The following ADAMTS12 variants were observed in gnomAD, a reference collection of about 807,000 sequenced individuals.
The protein encoded by ADAMTS12 is A disintegrin and metalloproteinase with thrombospondin motifs 12.
A neutral mutation model predicts 167.8 loss-of-function variants in ADAMTS12; 118 were observed. The ratio of observed to expected loss-of-function variants is 0.70; its 90% CI spans 0.61 to 0.82. ADAMTS12 has a LOEUF of 0.82. ADAMTS12 is among the 40% of genes least tolerant of loss of function. The pLI is 0.00. For synonymous variants in ADAMTS12, 704 were observed against 716.9 expected (o/e 0.98, Z 0.29); for missense variants, 1,916 against 1,998.8 (o/e 0.96, Z 0.79).
chr5:33,856,865 A>G (rs1297557995), intron 2 of ADAMTS12, among the ~76,000 whole-genome samples: 1 of 152,230 alleles, frequency 6.6e-6, no homozygotes, highest in Non-Finnish European at 1.5e-5. Flanking sequence ...ACTAAAAGTA[A>G]ATTACCATAT....
intron 2 of ADAMTS12, among the ~76,000 whole-genome samples, chr5:33,852,616 T>C (rs1047102913): frequency 2.0e-5 from 3 of 152,160 alleles, no homozygotes; most frequent in South Asian, 2.1e-4. Flanking sequence ...TATGAAGGAA[T>C]GTCTACATGG....
intron 5 of ADAMTS12, among the ~76,000 whole-genome samples, chr5:33,668,129 A>G (rs779585603): frequency 6.6e-6 from 1 of 152,332 alleles, no homozygotes; most frequent in Non-Finnish European, 1.5e-5. Flanking sequence ...CGAAAATGCA[A>G]TGAATACACC....
rs746912265 is a variant in ADAMTS12 at position 33,546,224 on chromosome 5, A to T, written c.4303-22T>A. On this transcript the variant is annotated intron_variant, in intron 21 of 23. Coordinates refer to ENST00000504830, the MANE Select transcript of ADAMTS12 (RefSeq NM_030955.4). ...AGCACTGATACACAGCAGTGACAAG[A>T]TTAGGTAAAAGTCAGGTGGAGACAT... The T allele has an allele frequency of 3.0e-5, 48 of 1,594,010 alleles. No individual in the cohort carries two copies. The South Asian group carries it at 5.0e-4, about 17-fold the overall frequency.
At chr5:33,661,895 T>C in intron 6 of ADAMTS12, 21 bp downstream of exon 6, 2 of 1,612,628 alleles carry the variant, frequency 1.2e-6, no homozygotes, top group Non-Finnish European at 1.7e-6. Context: ...GCCCCTGGGT[T>C]TCATGTAGTC....
chr5:33,815,223 G>A (rs905245160), intron 2 of ADAMTS12, among the ~76,000 whole-genome samples: 2 of 152,186 alleles, frequency 1.3e-5, no homozygotes, highest in African/African-American at 4.8e-5. Context: ...ACAGGTCAGG[G>A]AAGTTGTTAC....
At chr5:33,722,494 TA>T (rs1420223789) in intron 3 of ADAMTS12, among the ~76,000 whole-genome samples, 1 of 152,228 alleles carries the variant, frequency 6.6e-6, no homozygotes, top group Non-Finnish European at 1.5e-5. Flanking sequence ...GTGATCTGTC[TA>T]AAATCTCAGA....
chr5:33,614,197 G>A, intron 16 of ADAMTS12, 41 bp downstream of exon 16: 1 of 1,604,622 alleles, frequency 6.2e-7, no homozygotes. Flanking sequence ...AAACTGCTCT[G>A]AGGCTGGCAT....
At chr5:33,816,170 A>AT (rs1281253232) in intron 2 of ADAMTS12, among the ~76,000 whole-genome samples, 3 of 130,852 alleles carry the variant, frequency 2.3e-5, no homozygotes, top group Non-Finnish European at 3.4e-5. Flanking sequence ...CACCTTCAGG[A>AT]TTTTTTTGTA....
At chr5:33,720,265 C>A (rs1743761443) in intron 3 of ADAMTS12, among the ~76,000 whole-genome samples, 1 of 106,226 alleles carries the variant, frequency 9.4e-6, no homozygotes, top group Admixed American at 1.0e-4. Flanking sequence ...TTCCATTCAC[C>A]CCTCTCTCTC....
chr5:33,556,051 G>C (rs1008009451), intron 20 of ADAMTS12, among the ~76,000 whole-genome samples: 4 of 152,228 alleles, frequency 2.6e-5, no homozygotes, highest in Admixed American at 1.3e-4. Flanking sequence ...TTTACCTAGA[G>C]CTCGACGTTT....
At chr5:33,692,565 T>C (rs551746374) in intron 3 of ADAMTS12, among the ~76,000 whole-genome samples, 11 of 152,330 alleles carry the variant, frequency 7.2e-5, no homozygotes, top group Admixed American at 2.6e-4. Context: ...TCTTATGTGG[T>C]ATTTTCTGTC....
chr5:33,679,259 C>G (rs1742025996), intron 5 of ADAMTS12, among the ~76,000 whole-genome samples: 1 of 152,214 alleles, frequency 6.6e-6, no homozygotes, highest in South Asian at 2.1e-4. Context: ...CATGCAGGTC[C>G]CTCCACCTGG....
intron 2 of ADAMTS12, among the ~76,000 whole-genome samples, chr5:33,763,750 T>C (rs1745435879): frequency 6.6e-6 from 1 of 152,224 alleles, no homozygotes; most frequent in South Asian, 2.1e-4. Context: ...TTTTCCTATG[T>C]GGGAGGCATT....
At chr5:33,593,108 C>G (rs58903575) in intron 17 of ADAMTS12, among the ~76,000 whole-genome samples, 7,003 of 152,242 alleles carry the variant, frequency 0.046, 474 homozygotes, top group African/African-American at 0.16. Flanking sequence ...GAAACCTAAT[C>G]TCTAGTAAAA....
chr5:33,867,625 C>G (rs1276440703), intron 2 of ADAMTS12, among the ~76,000 whole-genome samples: 1 of 152,188 alleles, frequency 6.6e-6, no homozygotes, highest in East Asian at 1.9e-4. Context: ...AAAATACACA[C>G]ACACACACAG....
chr5:33,694,652 A>G (rs1390306698), intron 3 of ADAMTS12, among the ~76,000 whole-genome samples: 3 of 91,926 alleles, frequency 3.3e-5, no homozygotes, highest in African/African-American at 1.3e-4. Context: ...AGAACACTTT[A>G]GTCTAGAGAA....
intron 17 of ADAMTS12, among the ~76,000 whole-genome samples, chr5:33,590,525 G>T (rs1006306250): frequency 3.3e-5 from 5 of 152,120 alleles, no homozygotes; most frequent in Non-Finnish European, 7.3e-5. Context: ...GTCCTCTGTT[G>T]CCCTTCCTCC....
At chr5:33,711,059 C>A (rs778579483) in intron 3 of ADAMTS12, among the ~76,000 whole-genome samples, 2 of 152,082 alleles carry the variant, frequency 1.3e-5, no homozygotes, top group African/African-American at 2.4e-5. Context: ...AGTGAAGATT[C>A]CAATAACAAC....
intron 2 of ADAMTS12, among the ~76,000 whole-genome samples, chr5:33,771,007 T>C (rs1028186665): frequency 6.6e-6 from 1 of 152,130 alleles, no homozygotes; most frequent in Non-Finnish European, 1.5e-5. Flanking sequence ...ACTTTTTAAA[T>C]TTTTCTTTAG....
Sources: gnomAD v4.1 joint callset for allele counts (sites outside exome capture counted in the v4.1 genomes callset) on GRCh38, gnomAD v4.1.1 for gene constraint, MANE v1.5 for transcripts, NCBI Gene and HGNC (gene_info 2026-07-23, HGNC 2026-07-21) for gene names.